The following C12orf42 variants were observed in gnomAD, a reference collection of about 807,000 sequenced individuals.
C12orf42 encodes chromosome 12 open reading frame 42.
Under a neutral mutation model 21.6 loss-of-function variants are expected in C12orf42, and 25 were observed. The observed-to-expected ratio is 1.16, with a 90% CI of 0.84 to 1.62. The LOEUF (loss-of-function observed/expected upper bound fraction) is 1.62, where lower values mean the gene tolerates loss of function less well. Ranked by LOEUF, C12orf42 falls within the 40% of genes most tolerant of loss-of-function variation. C12orf42 has a pLI of 0.00. For missense variants in C12orf42, 483 were observed against 459.3 expected (o/e 1.05, Z -0.47); for synonymous variants, 174 against 175.0 (o/e 0.99, Z 0.05).
chr12:103,478,336 T>C lies in C12orf42; in HGVS notation c.78+13A>G. 5 of 1,562,138 alleles carry C rather than the reference T, an allele frequency of 3.2e-6. No individual in the cohort carries two copies. Among genetic ancestry groups the C allele is most frequent in the Non-Finnish European group, 4.4e-6 (5 of 1,142,384 alleles). ...AAAAAAAGTAAGAAAATATAGTATC[T>C]CTTATGCATTACCTGCATCCTGTTT... On this transcript the variant is annotated intron_variant, in intron 2 of 5. Transcript: ENST00000548883.
the C12orf42 span, among the ~76,000 whole-genome samples, chr12:103,141,632 C>T: frequency 0.016 from 2,439 of 150,120 alleles, 61 homozygotes; most frequent in African/African-American, 0.057. Flanking sequence ...CAGTTTCAAA[C>T]GATTCTCCTG....
At chr12:103,170,272 T>A in the C12orf42 span, among the ~76,000 whole-genome samples, 1 of 152,180 alleles carries the variant, frequency 6.6e-6, no homozygotes, top group Admixed American at 6.6e-5. Flanking sequence ...TGCTAATAAT[T>A]CTTAATTGCA....
At chr12:103,091,504 T>A in the C12orf42 span, among the ~76,000 whole-genome samples, 1 of 152,204 alleles carries the variant, frequency 6.6e-6, no homozygotes, top group African/African-American at 2.4e-5. Context: ...CTATTCTCTC[T>A]TTGGTTTGGG....
At chr12:103,187,530 G>A in the C12orf42 span, among the ~76,000 whole-genome samples, 1 of 152,174 alleles carries the variant, frequency 6.6e-6, no homozygotes, top group Non-Finnish European at 1.5e-5. Flanking sequence ...GGCAAGTAAA[G>A]ATCTCTTTGC....
the C12orf42 span, among the ~76,000 whole-genome samples, chr12:103,223,467 A>G: frequency 1.4e-4 from 22 of 152,312 alleles, no homozygotes; most frequent in South Asian, 4.6e-3. Context: ...GACTCAGGAT[A>G]TCTGATTAGA....
chr12:103,249,666 C>A (rs1276601756), intron 10 of C12orf42, among the ~76,000 whole-genome samples: 1 of 152,076 alleles, frequency 6.6e-6, no homozygotes, highest in Non-Finnish European at 1.5e-5. Flanking sequence ...GGCCGCTGAA[C>A]AAACAGGGAC....
the C12orf42 span, among the ~76,000 whole-genome samples, chr12:103,512,431 G>C: frequency 6.8e-6 from 1 of 146,886 alleles, no homozygotes; most frequent in Non-Finnish European, 1.5e-5. Context: ...TAGTTACAAT[G>C]TATTGTGTAT....
At chr12:103,126,370 G>C in the C12orf42 span, among the ~76,000 whole-genome samples, 2 of 152,092 alleles carry the variant, frequency 1.3e-5, no homozygotes, top group African/African-American at 4.8e-5. Flanking sequence ...GTCCATTACT[G>C]GTTCTAAAAA....
At chr12:103,482,020 G>T (rs1196500008) in intron 1 of C12orf42, among the ~76,000 whole-genome samples, 3 of 151,918 alleles carry the variant, frequency 2.0e-5, no homozygotes, top group African/African-American at 4.8e-5. Flanking sequence ...CAAATTCAAA[G>T]CTGTTGTTGT....
At chr12:103,307,161 G>A (rs1363967250) in intron 4 of C12orf42, among the ~76,000 whole-genome samples, 1 of 152,072 alleles carries the variant, frequency 6.6e-6, no homozygotes, top group Non-Finnish European at 1.5e-5. Context: ...TGGTCCTCAG[G>A]AACCAATACA....
the C12orf42 span, among the ~76,000 whole-genome samples, chr12:103,088,937 A>G: frequency 6.6e-6 from 1 of 151,942 alleles, no homozygotes; most frequent in African/African-American, 2.4e-5. Context: ...CCCCGTCTCT[A>G]CTAAAAATAC....
the C12orf42 span, among the ~76,000 whole-genome samples, chr12:103,221,828 G>A: frequency 3.9e-5 from 6 of 152,094 alleles, no homozygotes; most frequent in Admixed American, 3.9e-4. Flanking sequence ...TGACCTCAGG[G>A]CAAGGAAACT....
At chr12:103,481,347 T>C (rs1470492850) in intron 1 of C12orf42, among the ~76,000 whole-genome samples, 1 of 151,890 alleles carries the variant, frequency 6.6e-6, no homozygotes, top group Non-Finnish European at 1.5e-5. Flanking sequence ...AAACTTGTCC[T>C]CTAAGAAACT....
At chr12:103,255,593 T>C (rs1035523710) in intron 10 of C12orf42, among the ~76,000 whole-genome samples, 3 of 152,132 alleles carry the variant, frequency 2.0e-5, no homozygotes, top group Non-Finnish European at 4.4e-5. Context: ...ATACTATTTC[T>C]TTTTCTTTCT....
At chr12:103,192,314 C>T in the C12orf42 span, among the ~76,000 whole-genome samples, 1 of 151,890 alleles carries the variant, frequency 6.6e-6, no homozygotes, top group Non-Finnish European at 1.5e-5. Flanking sequence ...ACCATCCTGG[C>T]CAACATGGTG....
At chr12:103,281,168 A>G (rs1469561860) in intron 4 of C12orf42, among the ~76,000 whole-genome samples, 3 of 152,218 alleles carry the variant, frequency 2.0e-5, no homozygotes, top group African/African-American at 7.2e-5. Context: ...GAGATTCTTT[A>G]CACAGAATTG....
At chr12:103,065,909 CAGG>C in the C12orf42 span, among the ~76,000 whole-genome samples, 2 of 152,148 alleles carry the variant, frequency 1.3e-5, no homozygotes, top group African/African-American at 4.8e-5. Context: ...GGGTCCAGAA[CAGG>C]AGAAGGCTCT....
chr12:103,298,072 C>T (rs1056343209), downstream of C12orf42, among the ~76,000 whole-genome samples: 3 of 151,980 alleles, frequency 2.0e-5, no homozygotes, highest in Non-Finnish European at 4.4e-5. Context: ...TCTCACCACT[C>T]CTATTCAACA....
intron 4 of C12orf42, among the ~76,000 whole-genome samples, chr12:103,333,622 C>G (rs773338715): frequency 6.6e-6 from 1 of 152,136 alleles, no homozygotes; most frequent in Non-Finnish European, 1.5e-5. Flanking sequence ...GCTCTAAAAA[C>G]TCAGAACATC....
Sources: allele counts gnomAD v4.1 joint callset (sites outside exome capture counted in the v4.1 genomes callset), GRCh38; gene constraint gnomAD v4.1.1; transcripts MANE v1.5; gene names NCBI Gene and HGNC (gene_info 2026-07-23, HGNC 2026-07-21).